GALNT16: variants seen among roughly 807,000 people sequenced by gnomAD.
GALNT16 encodes polypeptide N-acetylgalactosaminyltransferase 16, also known as UDP-GalNAc:polypeptide N-acetylgalactosaminyltransferase-like protein 1.
Under a neutral mutation model 76.1 loss-of-function variants are expected in GALNT16, and 40 were observed. The observed-to-expected ratio is 0.53, with a 90% confidence interval of 0.41 to 0.68. The LOEUF (loss-of-function observed/expected upper bound fraction) is 0.68, where lower values mean the gene tolerates loss of function less well. GALNT16 is among the 30% of genes least tolerant of loss of function. GALNT16 has a pLI of 0.00. For missense variants in GALNT16, 621 were observed against 731.9 expected (o/e 0.85, Z 1.75); for synonymous variants, 276 against 285.2 (o/e 0.97, Z 0.32).
chr14:69,369,392 G>A, the GALNT16 span, among the ~76,000 whole-genome samples: 1 of 152,220 alleles, frequency 6.6e-6, no homozygotes, highest in Non-Finnish European at 1.5e-5. Flanking sequence ...AACTGGATGT[G>A]GAAAGTGAGG....
At chr14:69,285,380 C>T (rs186578479) in intron 1 of GALNT16, among the ~76,000 whole-genome samples, 180 of 152,152 alleles carry the variant, frequency 1.2e-3, no homozygotes, top group Admixed American at 3.1e-3. Flanking sequence ...TATAAAAGTG[C>T]CTGCTGTGGG....
chr14:69,304,688 T>TTTAGATTTA (rs1388553553), intron 1 of GALNT16, among the ~76,000 whole-genome samples: 2 of 152,218 alleles, frequency 1.3e-5, no homozygotes, highest in Non-Finnish European at 2.9e-5. Context: ...CATCATCATA[T>TTTAGATTTA]TTTAGATACT....
At chr14:69,297,639 AAAAC>A (rs1454166451) in intron 1 of GALNT16, among the ~76,000 whole-genome samples, 3 of 151,572 alleles carry the variant, frequency 2.0e-5, no homozygotes, top group African/African-American at 7.3e-5. Flanking sequence ...GCCAAAAAAA[AAAAC>A]AAACTACAAA....
At chr14:69,297,232 T>C (rs1280005642) in intron 1 of GALNT16, among the ~76,000 whole-genome samples, 1 of 152,246 alleles carries the variant, frequency 6.6e-6, no homozygotes, top group Non-Finnish European at 1.5e-5. Context: ...TCTTTGGCGG[T>C]CGTATCGATT....
At chr14:69,385,725 A>C in the GALNT16 span, among the ~76,000 whole-genome samples, 2 of 152,044 alleles carry the variant, frequency 1.3e-5, no homozygotes, top group African/African-American at 4.8e-5. Flanking sequence ...ATACACTGAA[A>C]TCTGTAAGCA....
chr14:69,300,143 TA>T (rs2140139311), intron 1 of GALNT16, among the ~76,000 whole-genome samples: 1 of 152,290 alleles, frequency 6.6e-6, no homozygotes, highest in South Asian at 2.1e-4. Context: ...AATTCCAAAA[TA>T]AGCGAATCTC....
chr14:69,260,621 A>T, intron 1 of GALNT16, 154 bp downstream of exon 1: 1 of 424,042 alleles, frequency 2.4e-6, no homozygotes, highest in Non-Finnish European at 3.6e-6. Flanking sequence ...GCCCGTTGTT[A>T]TGGCAACCTC....
intron 12 of GALNT16, among the ~76,000 whole-genome samples, chr14:69,344,495 G>A (rs751523725): frequency 7.9e-5 from 12 of 152,246 alleles, no homozygotes; most frequent in Admixed American, 1.3e-4. Context: ...GGAAGTGGAT[G>A]CAGAGTTTAG....
At chr14:69,336,658 C>T (rs1421324433) in intron 9 of GALNT16, among the ~76,000 whole-genome samples, 1 of 152,136 alleles carries the variant, frequency 6.6e-6, no homozygotes, top group African/African-American at 2.4e-5. Flanking sequence ...ATTCATTTTT[C>T]TCCATGGCCC....
intron 1 of GALNT16, among the ~76,000 whole-genome samples, chr14:69,265,948 T>A (rs1281039382): frequency 6.6e-6 from 1 of 152,220 alleles, no homozygotes; most frequent in Non-Finnish European, 1.5e-5. Context: ...ACCTGGATGC[T>A]GTGTGTTTTA....
intron 14 of GALNT16, chr14:69,351,254 G>A (rs1252561161): frequency 6.6e-6 from 1 of 152,280 alleles, no homozygotes; most frequent in Non-Finnish European, 1.5e-5. Context: ...AGTGCCTACA[G>A]GGAGCTGGTG....
chr14:69,362,738 G>A, the GALNT16 span, among the ~76,000 whole-genome samples: 1 of 152,238 alleles, frequency 6.6e-6, no homozygotes, highest in African/African-American at 2.4e-5. Flanking sequence ...CTCAGGATAC[G>A]TTTATGCGAC....
At chr14:69,385,383 A>C in the GALNT16 span, among the ~76,000 whole-genome samples, 1 of 152,264 alleles carries the variant, frequency 6.6e-6, no homozygotes, top group Admixed American at 6.5e-5. Flanking sequence ...CCTGTTTCAA[A>C]TGATGTCCTT....
At chr14:69,379,296 T>C in the GALNT16 span, among the ~76,000 whole-genome samples, 2 of 152,210 alleles carry the variant, frequency 1.3e-5, no homozygotes, top group Non-Finnish European at 2.9e-5. Flanking sequence ...ACAACTCTAC[T>C]TAATTTTGTC....
chr14:69,289,768 T>C (rs1185386504), intron 1 of GALNT16, among the ~76,000 whole-genome samples: 1 of 152,214 alleles, frequency 6.6e-6, no homozygotes, highest in Non-Finnish European at 1.5e-5. Flanking sequence ...AGATAGAGTC[T>C]CACTCTGTCG....
the GALNT16 span, among the ~76,000 whole-genome samples, chr14:69,377,804 C>CAAAAAAAAAAAAAAA: frequency 1.3e-4 from 5 of 37,486 alleles, no homozygotes; most frequent in Admixed American, 5.8e-4. Context: ...GAGACTGTCT[C>CAAAAAAAAAAAAAAA]AAAAAAAAAA....
At position 69,351,933 on chromosome 14, in the gene GALNT16, C is replaced by T. The variant is rs765850975; in HGVS notation, c.1540-98C>T. The T allele has an allele frequency of 7.1e-5, 82 of 1,156,000 alleles. 1 individual carries two copies. Among genetic ancestry groups the T allele is most frequent in the Non-Finnish European group, 6.5e-5 (52 of 803,228 alleles). 71.6% of individuals were successfully genotyped at this position (1,156,000 alleles called of 1,614,324 possible). On this transcript the variant is annotated intron_variant, in intron 14 of 14. Transcript: ENST00000448469. ...GAGGGGGATGTGTCCTAGTTATATA[C>T]AAGGGCTGTGTGCATACATGTGGAA...
At chr14:69,281,486 G>C (rs904593686) in intron 1 of GALNT16, among the ~76,000 whole-genome samples, 9 of 152,188 alleles carry the variant, frequency 5.9e-5, no homozygotes, top group African/African-American at 2.2e-4. Flanking sequence ...GGAGGAAAAG[G>C]ATGAGAGGAA....
At chr14:69,383,115 T>A in the GALNT16 span, among the ~76,000 whole-genome samples, 15 of 152,320 alleles carry the variant, frequency 9.8e-5, no homozygotes, top group African/African-American at 3.6e-4. Flanking sequence ...AAATACTGCA[T>A]AATCAAAAGG....
Sources: gnomAD v4.1 joint callset for allele counts (sites outside exome capture counted in the v4.1 genomes callset) on GRCh38, gnomAD v4.1.1 for gene constraint, MANE v1.5 for transcripts, NCBI Gene and HGNC (gene_info 2026-07-23, HGNC 2026-07-21) for gene names.